The following ADAMTS3 variants were observed in gnomAD, a reference collection of about 807,000 sequenced individuals.
The protein encoded by ADAMTS3 is A disintegrin and metalloproteinase with thrombospondin motifs 3.
A neutral mutation model predicts 129.0 loss-of-function variants in ADAMTS3; 73 were observed. That is an observed-to-expected ratio of 0.57 (90% confidence interval 0.47 to 0.69). The LOEUF (loss-of-function observed/expected upper bound fraction) is 0.69. Among genes scored for constraint, ADAMTS3 ranks in the 30% least tolerant of loss-of-function variants. The pLI is 0.00. For missense variants in ADAMTS3, 1,457 were observed against 1,514.5 expected (o/e 0.96, Z 0.63); for synonymous variants, 477 against 510.8 (o/e 0.93, Z 0.89).
At chr4:72,475,507 A>C (rs183710804) in intron 3 of ADAMTS3, among the ~76,000 whole-genome samples, 1 of 152,206 alleles carries the variant, frequency 6.6e-6, no homozygotes, top group African/African-American at 2.4e-5. Flanking sequence ...CGCAAAACAT[A>C]TGATACAAAA....
chr4:72,437,573 C>G (rs928077754), intron 3 of ADAMTS3, among the ~76,000 whole-genome samples: 1 of 151,722 alleles, frequency 6.6e-6, no homozygotes, highest in Non-Finnish European at 1.5e-5. Context: ...ACTGAAAAAC[C>G]GATGCAGAAG....
At chr4:72,360,347 T>A (rs1406052034) in intron 4 of ADAMTS3, among the ~76,000 whole-genome samples, 1 of 152,044 alleles carries the variant, frequency 6.6e-6, no homozygotes, top group Admixed American at 6.6e-5. Context: ...CCTGAATGCC[T>A]ACGGTCTCAT....
intron 3 of ADAMTS3, among the ~76,000 whole-genome samples, chr4:72,452,853 T>C (rs763003670): frequency 9.2e-5 from 14 of 151,868 alleles, no homozygotes; most frequent in Middle Eastern, 6.8e-3. Context: ...AATAGCCAAA[T>C]ACCATTCTAC....
At chr4:72,309,017 T>A (rs964062473) in intron 15 of ADAMTS3, among the ~76,000 whole-genome samples, 2 of 152,074 alleles carry the variant, frequency 1.3e-5, no homozygotes, top group Middle Eastern at 3.4e-3. Context: ...ATTTTGTAAT[T>A]TTTAAACTCC....
chr4:72,452,671 G>C (rs1718437382), intron 3 of ADAMTS3, among the ~76,000 whole-genome samples: 1 of 151,896 alleles, frequency 6.6e-6, no homozygotes, highest in South Asian at 2.1e-4. Flanking sequence ...TACACAGGCA[G>C]TCTTGAGCTG....
intron 21 of ADAMTS3, among the ~76,000 whole-genome samples, chr4:72,287,733 G>C (rs987755211): frequency 6.6e-6 from 1 of 152,152 alleles, no homozygotes; most frequent in African/African-American, 2.4e-5. Flanking sequence ...AAATAAGAGA[G>C]AGACAGAGGA....
chr4:72,528,196 T>G (rs1422197953), intron 3 of ADAMTS3, among the ~76,000 whole-genome samples: 2 of 147,452 alleles, frequency 1.4e-5, no homozygotes, highest in Non-Finnish European at 3.0e-5. Context: ...ATGATCTCTC[T>G]TTTTTTAATT....
chr4:72,312,209 G>A, intron 13 of ADAMTS3, 82 bp downstream of exon 13: 7 of 1,475,564 alleles, frequency 4.7e-6, no homozygotes, highest in Non-Finnish European at 6.6e-6. Flanking sequence ...TAGGGATCAA[G>A]AGTCCATGGG....
chr4:72,517,230 C>T lies in ADAMTS3; in HGVS notation c.504+31248G>A, dbSNP rs1446536807. On this transcript the variant is annotated intron_variant, in intron 3 of 21. Transcript: ENST00000286657. ...AAGCTTTTTGATGTGCTGCTGGATTCGGTTTGCCAGTATTTTATTGAGGAG... is the reference window on the plus strand; with the variant it reads ...AAGCTTTTTGATGTGCTGCTGGATTTGGTTTGCCAGTATTTTATTGAGGAG... 8.5e-5 allele frequency among the ~76,000 whole-genome samples: 13 copies of T among 152,054 alleles called. No individual in the cohort carries two copies. The East Asian group carries it at 1.2e-3, about 14-fold the overall frequency.
At chr4:72,288,611 G>T in intron 21 of ADAMTS3, 140 bp downstream of exon 21, 1 of 640,672 alleles carries the variant, frequency 1.6e-6, no homozygotes, top group Non-Finnish European at 2.8e-6. Context: ...GAACTGAACT[G>T]GACTAATATT....
At chr4:72,465,148 T>C (rs1718885440) in intron 3 of ADAMTS3, among the ~76,000 whole-genome samples, 1 of 151,946 alleles carries the variant, frequency 6.6e-6, no homozygotes, top group Admixed American at 6.6e-5. Context: ...TGGGAAGATC[T>C]GAGATGGAGG....
In ADAMTS3 at chr4:72,409,812, C is replaced by G. The variant is rs149186889; in HGVS notation, c.661+5003G>C. Among the ~76,000 whole-genome samples the G allele has an allele frequency of 1.8e-3, 281 of 152,154 alleles. 1 individual carries two copies. The highest frequency in any genetic ancestry group is 6.4e-3 in the African/African-American group (264 of 41,510). ...ATTTTGTCAATAATTGTTATAAATA[C>G]CCCAACTGTGAAACATACAAAACTA... On this transcript the variant is annotated intron_variant, in intron 4 of 21. Coordinates refer to ENST00000286657, the MANE Select transcript of ADAMTS3 (RefSeq NM_014243.3).
intron 4 of ADAMTS3, among the ~76,000 whole-genome samples, chr4:72,381,851 T>C (rs1286123694): frequency 1.3e-5 from 2 of 152,118 alleles, no homozygotes; most frequent in Non-Finnish European, 2.9e-5. Flanking sequence ...AAGAAATAAA[T>C]TGAAATATTG....
chr4:72,319,767 G>T (rs1197562434), intron 8 of ADAMTS3, 91 bp downstream of exon 8: 11 of 1,052,992 alleles, frequency 1.0e-5, no homozygotes, highest in Non-Finnish European at 1.4e-5. Flanking sequence ...TTGTATGCTG[G>T]CATGCATTCT....
At chr4:72,426,670 T>G (rs534743488) in intron 3 of ADAMTS3, among the ~76,000 whole-genome samples, 1 of 152,224 alleles carries the variant, frequency 6.6e-6, no homozygotes, top group East Asian at 1.9e-4. Context: ...GTGGATCACT[T>G]AAGCCAGGAG....
At chr4:72,489,834 G>T (rs1053687574) in intron 3 of ADAMTS3, among the ~76,000 whole-genome samples, 1 of 151,684 alleles carries the variant, frequency 6.6e-6, no homozygotes, top group Non-Finnish European at 1.5e-5. Context: ...ATCCACTGAG[G>T]GTCTCGGAAC....
Position 72,315,968 on chromosome 4 carries a change from G to A in ADAMTS3, c.1489C>T (p.Arg497Ter), listed in dbSNP as rs777379656. 5.0e-6 allele frequency: 8 copies of A among 1,595,120 alleles called. No homozygotes were observed. The highest frequency in any genetic ancestry group is 2.2e-5 in the East Asian group (1 of 44,570). ...AGCTGTTTACATGGGTCAAAGGTTC[G>A]GAACTGGAAGATAGATAATCAAATT... ...GVGYKMCTAFRTFDPCKQLWC... is the reference protein window; with the variant it reads ...GVGYKMCTAF The change falls in exon 11 of 22, where the codon CGA (arginine) becomes TGA (stop). Residue 497 changes from arginine to a stop codon, truncating the protein, a stop_gained. Transcript: ENST00000286657. LOFTEE classifies it high-confidence loss of function.
At chr4:72,477,254 C>A (rs944798306) in intron 3 of ADAMTS3, among the ~76,000 whole-genome samples, 1 of 152,156 alleles carries the variant, frequency 6.6e-6, no homozygotes, top group African/African-American at 2.4e-5. Flanking sequence ...CTCAGCACCA[C>A]ACCACACCTA....
chr4:72,430,670 C>T (rs777077061), intron 3 of ADAMTS3, among the ~76,000 whole-genome samples: 40 of 151,476 alleles, frequency 2.6e-4, no homozygotes, highest in African/African-American at 3.9e-4. Context: ...TGTTCTACAA[C>T]GATGGAAAAC....
Sources: gnomAD v4.1 joint callset for allele counts (sites outside exome capture counted in the v4.1 genomes callset) on GRCh38, gnomAD v4.1.1 for gene constraint, MANE v1.5 for transcripts, NCBI Gene and HGNC (gene_info 2026-07-23, HGNC 2026-07-21) for gene names.